Variants in CDH4 observed in about 807,000 individuals in gnomAD.
CDH4 encodes the protein cadherin-4.
In CDH4, 33 loss-of-function variants were observed where a neutral mutation model predicts 86.0. The observed-to-expected ratio is 0.38, with a 90% CI of 0.29 to 0.51. The LOEUF is 0.51. CDH4 is among the 20% of genes least tolerant of loss of function. The pLI, the probability that CDH4 is intolerant of heterozygous loss-of-function variation, is 0.86. For missense variants in CDH4, 1,114 were observed against 1,307.4 expected (o/e 0.85, Z 2.28); for synonymous variants, 555 against 549.4 (o/e 1.01, Z -0.14).
chr20:61,866,846 G>A (rs139281813), intron 6 of CDH4, among the ~76,000 whole-genome samples: 276 of 152,362 alleles, frequency 1.8e-3, no homozygotes, highest in Middle Eastern at 6.8e-3. Context: ...AGAAAAAAGC[G>A]TAGATGCCTA....
At chr20:61,387,698 G>T (rs1228583650) in intron 2 of CDH4, among the ~76,000 whole-genome samples, 3 of 152,172 alleles carry the variant, frequency 2.0e-5, no homozygotes, top group Non-Finnish European at 4.4e-5. Context: ...CATCACAGTG[G>T]CTCGTGGCTC....
At chr20:61,434,258 G>C (rs970210070) in intron 2 of CDH4, among the ~76,000 whole-genome samples, 2 of 152,132 alleles carry the variant, frequency 1.3e-5, no homozygotes, top group Non-Finnish European at 2.9e-5. Flanking sequence ...AATGGTGCTC[G>C]TTAGACTTTG....
chr20:61,663,598 C>T lies in CDH4; in HGVS notation c.170-79965C>T, dbSNP rs1468644611. Among the ~76,000 whole-genome samples, 2 of 152,082 alleles carry T rather than the reference C, an allele frequency of 1.3e-5. No individual in the cohort carries two copies. Among genetic ancestry groups the T allele is most frequent in the Non-Finnish European group, 2.9e-5 (2 of 68,016 alleles). On this transcript the variant is annotated intron_variant, in intron 2 of 15. Transcript: ENST00000614565. This position sits in a 1 kb window ranked among gnomAD's most constrained non-coding sequence, Gnocchi z 5.0. ...CCAAGTGAGTCGGGAGCTGCTGGGA[C>T]GGCAGGACCGGGTGTGTGTGTCCAA...
rs539908004 is a variant in CDH4, at chr20:61,371,420, G to A, written c.169+116483G>A. Among the ~76,000 whole-genome samples, 9 of 152,348 alleles carry A rather than the reference G, an allele frequency of 5.9e-5. No homozygotes were observed. The South Asian group carries it at 8.3e-4, about 14-fold the overall frequency. On this transcript the variant is annotated intron_variant, in intron 2 of 15. Transcript: ENST00000614565. ...ACCTCAATACACACGACTTGTCCCC[G>A]CAGGTAAGAAGTGTCAGACGCTGCG...
chr20:61,692,375 G>T (rs538086491), intron 2 of CDH4, among the ~76,000 whole-genome samples: 1 of 152,166 alleles, frequency 6.6e-6, no homozygotes, highest in South Asian at 2.1e-4. Flanking sequence ...TTTATCAGAG[G>T]AATATTTATT....
At position 61,501,834 on chromosome 20, in the gene CDH4, G is replaced by A. The variant is rs770007682; in HGVS notation, c.170-241729G>A. On this transcript the variant is annotated intron_variant, in intron 2 of 15. Coordinates refer to ENST00000614565, the MANE Select transcript of CDH4 (RefSeq NM_001794.5). The surrounding 1 kb of genome is among the most constrained non-coding windows in gnomAD (Gnocchi z 4.2). ...CTCTCCTTTCTAGGTAAGTGATTCC[G>A]GTGCTAACGCTGGACACGTGTGTCC... Among the ~76,000 whole-genome samples the A allele has an allele frequency of 1.1e-4, 16 of 152,106 alleles. No individual in the cohort carries two copies. The highest frequency in any genetic ancestry group is 2.6e-4 in the Admixed American group (4 of 15,276).
intron 2 of CDH4, among the ~76,000 whole-genome samples, chr20:61,336,055 A>G (rs569239284): frequency 6.6e-6 from 1 of 152,228 alleles, no homozygotes; most frequent in African/African-American, 2.4e-5. Context: ...CTTGTTTTCG[A>G]TACTGTGGGG....
At chr20:61,866,724 C>T (rs989136869) in intron 6 of CDH4, among the ~76,000 whole-genome samples, 2 of 152,166 alleles carry the variant, frequency 1.3e-5, no homozygotes, top group Non-Finnish European at 2.9e-5. Flanking sequence ...TTAGATGTTT[C>T]CCGGTGAGCG....
intron 2 of CDH4, among the ~76,000 whole-genome samples, chr20:61,387,980 T>A (rs1160785793): frequency 6.6e-6 from 1 of 152,132 alleles, no homozygotes; most frequent in Admixed American, 6.6e-5. Context: ...CTATTTTTGG[T>A]TTGGGTTGTT....
chr20:61,688,599 G>A (rs561472353), intron 2 of CDH4, among the ~76,000 whole-genome samples: 2 of 152,282 alleles, frequency 1.3e-5, no homozygotes, highest in South Asian at 2.1e-4. Context: ...CCAGGGACTC[G>A]CAGCATCTCT....
rs140814028 is a variant in CDH4 at position 61,659,838 on chromosome 20, G to A, written c.170-83725G>A. 2.7e-3 allele frequency among the ~76,000 whole-genome samples: 414 copies of A among 152,320 alleles called. 3 individuals carry two copies. Among genetic ancestry groups the A allele is most frequent in the African/African-American group, 9.1e-3 (378 of 41,574 alleles). On this transcript the variant is annotated intron_variant, in intron 2 of 15. Transcript: ENST00000614565. ...CAGCGAAGGCCTGGGTGAAGTGGGC[G>A]GGCAGAGGCAGGGCTGCAGCTGCAG...
intron 6 of CDH4, among the ~76,000 whole-genome samples, chr20:61,864,113 C>T (rs141250297): frequency 3.6e-4 from 55 of 152,372 alleles, no homozygotes; most frequent in African/African-American, 1.3e-3. Context: ...AGACACAGGG[C>T]AGGGCCTAAG....
intron 2 of CDH4, among the ~76,000 whole-genome samples, chr20:61,348,056 C>T (rs1334929703): frequency 2.0e-5 from 3 of 152,274 alleles, no homozygotes; most frequent in East Asian, 3.9e-4. Flanking sequence ...TGGTCTGTTT[C>T]GCCCCATAAT....
rs1005479421 is a variant in CDH4, at chr20:61,810,665, G to C, written c.577-34003G>C. On this transcript the variant is annotated intron_variant, in intron 4 of 15. Coordinates refer to ENST00000614565, the MANE Select transcript of CDH4 (RefSeq NM_001794.5). This position sits in a 1 kb window ranked among gnomAD's most constrained non-coding sequence, Gnocchi z 4.3. ...CCCTAACAAGCCAGGAACCACTCCA[G>C]GGCTATAAAACATTTAATTTTGGAA... Among the ~76,000 whole-genome samples the C allele has an allele frequency of 6.6e-6, 1 of 152,190 alleles. No homozygotes were observed. The highest frequency in any genetic ancestry group is 2.4e-5 in the African/African-American group (1 of 41,442).
rs1024858499 is a variant in CDH4 at position 61,521,085 on chromosome 20, G to A, written c.170-222478G>A. On this transcript the variant is annotated intron_variant, in intron 2 of 15. Transcript: ENST00000614565. ...CTGTTCTGATTTGAAGATGGCTAGT[G>A]TCTTTTGCGATCATCCCATCAGAAA... Among the ~76,000 whole-genome samples, 8 of 152,306 alleles carry A rather than the reference G, an allele frequency of 5.3e-5. No homozygotes were observed. In the East Asian group the frequency reaches 9.7e-4, roughly 18 times the overall value.
intron 2 of CDH4, among the ~76,000 whole-genome samples, chr20:61,396,098 C>G (rs1026639252): frequency 6.6e-6 from 1 of 152,216 alleles, no homozygotes; most frequent in Non-Finnish European, 1.5e-5. Context: ...GTCGTGCCGT[C>G]TTTGACTCTT....
intron 2 of CDH4, among the ~76,000 whole-genome samples, chr20:61,358,809 G>T (rs564975990): frequency 6.6e-6 from 1 of 152,328 alleles, no homozygotes; most frequent in Non-Finnish European, 1.5e-5. Context: ...ATGCGGGGGG[G>T]AAGGAGAGGA....
At chr20:61,674,026 A>G (rs1428485324) in intron 2 of CDH4, among the ~76,000 whole-genome samples, 1 of 152,198 alleles carries the variant, frequency 6.6e-6, no homozygotes, top group Admixed American at 6.5e-5. Flanking sequence ...CTGATCGGGA[A>G]CAAACCTGTT....
At chr20:61,410,633 GTCCATCCA>G (rs1289948080) in intron 2 of CDH4, among the ~76,000 whole-genome samples, 1 of 134,610 alleles carries the variant, frequency 7.4e-6, no homozygotes, top group African/African-American at 3.1e-5. Flanking sequence ...CCTCCCACTG[GTCCATCCA>G]TCCATCCATC....
Sources: allele counts gnomAD v4.1 joint callset (sites outside exome capture counted in the v4.1 genomes callset), GRCh38; gene constraint gnomAD v4.1.1; non-coding constraint Gnocchi (gnomAD v3.1); transcripts MANE v1.5; gene names NCBI Gene and HGNC (gene_info 2026-07-23, HGNC 2026-07-21).